SLC39A11: variants seen among roughly 807,000 people sequenced by gnomAD.
SLC39A11 encodes the protein zinc transporter ZIP11.
A neutral mutation model predicts 36.1 loss-of-function variants in SLC39A11; 33 were observed. The observed-to-expected ratio is 0.91, with a 90% CI of 0.69 to 1.22. SLC39A11 has a LOEUF of 1.22. SLC39A11 is among the 50% of genes most tolerant of loss of function. SLC39A11 has a pLI of 0.00. For synonymous variants in SLC39A11, 166 were observed against 170.3 expected, an observed-to-expected ratio of 0.97 and a Z score of 0.20; for missense variants, 432 against 430.3, an observed-to-expected ratio of 1.00 and a Z score of -0.03.
chr17:73,088,596 A>G, intron 2 of SLC39A11, 61 bp downstream of exon 2: 1 of 1,332,244 alleles, frequency 7.5e-7, no homozygotes, highest in Non-Finnish European at 1.1e-6. Context: ...ATGGAGTGGG[A>G]CAGTGCCCCT....
intron 4 of SLC39A11, among the ~76,000 whole-genome samples, chr17:72,999,695 C>A (rs2089710210): frequency 6.6e-6 from 1 of 152,158 alleles, no homozygotes; most frequent in East Asian, 1.9e-4. Flanking sequence ...CTGCCTAGGG[C>A]TGCAGATGGT....
intron 7 of SLC39A11, among the ~76,000 whole-genome samples, chr17:72,668,241 A>T (rs957741949): frequency 8.6e-5 from 13 of 151,820 alleles, no homozygotes; most frequent in African/African-American, 3.1e-4. Flanking sequence ...TCAGTGACTC[A>T]CTGGCTTCTA....
At chr17:72,810,318 T>A (rs1386421434) in intron 6 of SLC39A11, among the ~76,000 whole-genome samples, 1 of 152,174 alleles carries the variant, frequency 6.6e-6, no homozygotes, top group African/African-American at 2.4e-5. Context: ...GTGGTTTTTC[T>A]CCTAATAGCC....
rs550847849 is a variant in SLC39A11 at position 72,785,325 on chromosome 17, A to G, written c.602-48606T>C. On this transcript the variant is annotated intron_variant, in intron 6 of 9. Transcript: ENST00000255559. Reference sequence around the variant, plus strand: ...ATTTCTTCCTCTTCCTTCTCTCCCAATCTCTCTCTCCTCCATGGCTAGATG... The same window carrying G: ...ATTTCTTCCTCTTCCTTCTCTCCCAGTCTCTCTCTCCTCCATGGCTAGATG... Among the ~76,000 whole-genome samples the G allele has an allele frequency of 6.2e-4, 94 of 152,188 alleles. 1 individual carries two copies. Among genetic ancestry groups the G allele is most frequent in the South Asian group, 1.2e-3 (6 of 4,824 alleles).
chr17:72,773,897 C>T (rs2076044049), intron 6 of SLC39A11, among the ~76,000 whole-genome samples: 1 of 152,210 alleles, frequency 6.6e-6, no homozygotes, highest in Non-Finnish European at 1.5e-5. Context: ...TGCAGAGTTC[C>T]TGAACTGGTG....
chr17:72,848,960 C>T (rs564112525), intron 6 of SLC39A11, among the ~76,000 whole-genome samples: 1 of 152,246 alleles, frequency 6.6e-6, no homozygotes, highest in African/African-American at 2.4e-5. Flanking sequence ...CTATGAATAA[C>T]CTGCTGTTGA....
intron 3 of SLC39A11, among the ~76,000 whole-genome samples, chr17:73,081,672 TATA>T (rs1568242991): frequency 1.5e-5 from 2 of 135,700 alleles, no homozygotes; most frequent in Admixed American, 7.3e-5. Flanking sequence ...CACACACACA[TATA>T]TATACACATA....
intron 6 of SLC39A11, among the ~76,000 whole-genome samples, chr17:72,810,557 A>G (rs922643921): frequency 1.3e-5 from 2 of 152,248 alleles, no homozygotes; most frequent in Non-Finnish European, 2.9e-5. Flanking sequence ...TATGGTAAAA[A>G]GAATTAGAAT....
intron 6 of SLC39A11, among the ~76,000 whole-genome samples, chr17:72,779,414 G>C (rs1449513186): frequency 6.6e-6 from 1 of 152,100 alleles, no homozygotes; most frequent in African/African-American, 2.4e-5. Context: ...GACAGAGTGA[G>C]AGTCAGTCTC....
At chr17:72,665,735 C>T (rs1476529559) in intron 7 of SLC39A11, among the ~76,000 whole-genome samples, 2 of 152,032 alleles carry the variant, frequency 1.3e-5, no homozygotes, top group African/African-American at 2.4e-5. Flanking sequence ...AATACAGTCA[C>T]CTTCTCAATG....
intron 7 of SLC39A11, among the ~76,000 whole-genome samples, chr17:72,717,586 C>T (rs1032317497): frequency 3.3e-5 from 5 of 152,222 alleles, no homozygotes; most frequent in African/African-American, 4.8e-5. Flanking sequence ...CTGTCCTCTC[C>T]GCATGTGTCA....
intron 3 of SLC39A11, among the ~76,000 whole-genome samples, chr17:73,040,241 T>C (rs892853571): frequency 2.0e-5 from 3 of 152,162 alleles, no homozygotes; most frequent in African/African-American, 7.2e-5. Flanking sequence ...ATGACTTCCT[T>C]AGAAGTAGGT....
At chr17:72,729,408 TA>T (rs1567994117) in intron 7 of SLC39A11, among the ~76,000 whole-genome samples, 162 of 4,440 alleles carry the variant, frequency 0.036, 19 homozygotes, top group Middle Eastern at 0.12. Context: ...TGGCTATTTA[TA>T]TATATATATA....
chr17:72,691,973 G>A (rs985684679), intron 7 of SLC39A11, among the ~76,000 whole-genome samples: 1 of 152,018 alleles, frequency 6.6e-6, no homozygotes, highest in Non-Finnish European at 1.5e-5. Context: ...TGCCTAAACA[G>A]GGGGATTATA....
At position 73,065,097 on chromosome 17, in the gene SLC39A11, A is replaced by G. The variant is rs548313627; in HGVS notation, c.147+19711T>C. Among the ~76,000 whole-genome samples, 11 of 152,224 alleles carry G rather than the reference A, an allele frequency of 7.2e-5. No homozygotes were observed. The South Asian group carries it at 2.1e-3, about 29-fold the overall frequency. On this transcript the variant is annotated intron_variant, in intron 3 of 9. Coordinates refer to ENST00000255559, the MANE Select transcript of SLC39A11 (RefSeq NM_139177.4). The stretch of plus-strand genomic sequence containing the variant: ...TTCCTGATTGTGGAAGAGAATTATT[A>G]TTGGGTCCTTAAAAAAACAAAAAGA...
At chr17:72,660,843 C>T (rs2070378618) in intron 7 of SLC39A11, among the ~76,000 whole-genome samples, 1 of 152,176 alleles carries the variant, frequency 6.6e-6, no homozygotes, top group Non-Finnish European at 1.5e-5. Flanking sequence ...CTGCTAGATG[C>T]CAGCAACAAC....
chr17:72,718,220 G>A (rs1310211987), intron 7 of SLC39A11, among the ~76,000 whole-genome samples: 1 of 152,126 alleles, frequency 6.6e-6, no homozygotes, highest in Non-Finnish European at 1.5e-5. Context: ...GGCTGAGGCG[G>A]ACGGATCTTT....
intron 3 of SLC39A11, among the ~76,000 whole-genome samples, chr17:73,039,961 C>T (rs16977506): frequency 0.041 from 6,290 of 152,268 alleles, 140 homozygotes; most frequent in Middle Eastern, 0.072. Flanking sequence ...AGAAATTCTG[C>T]GGGCTACAGA....
intron 3 of SLC39A11, among the ~76,000 whole-genome samples, chr17:73,065,177 G>A (rs1270657819): frequency 6.6e-6 from 1 of 152,156 alleles, no homozygotes; most frequent in Non-Finnish European, 1.5e-5. Flanking sequence ...GGCTGAGGCT[G>A]GCAGATCACT....
Sources: allele counts gnomAD v4.1 joint callset (sites outside exome capture counted in the v4.1 genomes callset), GRCh38; gene constraint gnomAD v4.1.1; transcripts MANE v1.5; gene names NCBI Gene and HGNC (gene_info 2026-07-23, HGNC 2026-07-21).